The following LRMDA variants were observed in gnomAD, a reference collection of about 807,000 sequenced individuals.
LRMDA encodes leucine rich melanocyte differentiation associated.
In LRMDA, 18 loss-of-function variants were observed where a neutral mutation model predicts 29.8. That is an observed-to-expected ratio of 0.60 (90% CI 0.42 to 0.90). LRMDA has a LOEUF of 0.90. LRMDA is among the 40% of genes least tolerant of loss of function. The pLI, the probability that LRMDA is intolerant of heterozygous loss-of-function variation, is 0.00. For missense variants in LRMDA, 273 were observed against 273.9 expected, an observed-to-expected ratio of 1.00 and a Z score of 0.02; for synonymous variants, 125 against 109.4, an observed-to-expected ratio of 1.14 and a Z score of -0.89.
rs545306084 is a variant in LRMDA at position 75,849,801 on chromosome 10, A to G, written c.132-186207A>G. Among the ~76,000 whole-genome samples the G allele has an allele frequency of 7.2e-4, 109 of 152,316 alleles. 1 individual carries two copies. In the South Asian group the frequency reaches 0.022, roughly 31 times the overall value. ...AGCCCTAAGTAGTTCTGTTGAAAAA[A>G]CCATTTACTGAAGGAAAGCAAGATT... On this transcript the variant is annotated intron_variant, in intron 2 of 6. Coordinates refer to ENST00000611255, the MANE Select transcript of LRMDA (RefSeq NM_001305581.2).
At chr10:76,412,447 G>A (rs1841972369) in intron 6 of LRMDA, among the ~76,000 whole-genome samples, 1 of 152,136 alleles carries the variant, frequency 6.6e-6, no homozygotes, top group South Asian at 2.1e-4. Flanking sequence ...GTGGCTTTTT[G>A]TAGCACATGC....
At chr10:76,305,498 G>C (rs1395069895) in intron 5 of LRMDA, among the ~76,000 whole-genome samples, 5 of 152,208 alleles carry the variant, frequency 3.3e-5, no homozygotes, top group African/African-American at 1.2e-4. Flanking sequence ...CCCACCCAGG[G>C]TAGGTTCATG....
At chr10:75,898,558 AGGTATGGAT>A (rs1845621055) in intron 2 of LRMDA, among the ~76,000 whole-genome samples, 1 of 151,556 alleles carries the variant, frequency 6.6e-6, no homozygotes, top group African/African-American at 2.4e-5. Flanking sequence ...GGGAGAGGAG[AGGTATGGAT>A]GCTCTAGCTT....
At chr10:76,099,853 C>G (rs1284410368) in intron 5 of LRMDA, among the ~76,000 whole-genome samples, 1 of 151,892 alleles carries the variant, frequency 6.6e-6, no homozygotes, top group African/African-American at 2.4e-5. Flanking sequence ...TTTTATTGCC[C>G]AGAATACTGT....
chr10:75,721,025 C>T (rs755434465), intron 2 of LRMDA, among the ~76,000 whole-genome samples: 5 of 152,072 alleles, frequency 3.3e-5, no homozygotes, highest in Non-Finnish European at 7.4e-5. Context: ...CACAGAATGC[C>T]GTGGAAGATA....
At chr10:76,190,899 G>C (rs987714733) in intron 5 of LRMDA, among the ~76,000 whole-genome samples, 1 of 152,154 alleles carries the variant, frequency 6.6e-6, no homozygotes, top group Non-Finnish European at 1.5e-5. Flanking sequence ...CAGCAGACGT[G>C]GTTAATTGGT....
intron 2 of LRMDA, among the ~76,000 whole-genome samples, chr10:75,628,865 A>G (rs1303360506): frequency 6.6e-6 from 1 of 152,232 alleles, no homozygotes; most frequent in East Asian, 1.9e-4. Flanking sequence ...AGGCTGGGGC[A>G]CTTGCCTTTC....
intron 6 of LRMDA, among the ~76,000 whole-genome samples, chr10:76,492,222 G>T (rs1842840433): frequency 6.6e-6 from 1 of 152,006 alleles, no homozygotes; most frequent in Non-Finnish European, 1.5e-5. Context: ...ACTTTGTGAG[G>T]TCATGTTTTC....
chr10:76,436,453 G>T (rs557292156), intron 6 of LRMDA, among the ~76,000 whole-genome samples: 64 of 152,304 alleles, frequency 4.2e-4, no homozygotes, highest in African/African-American at 1.4e-3. Context: ...TGGGCCACCT[G>T]CAGGTCAGGC....
chr10:76,467,470 C>A (rs909362503), intron 6 of LRMDA, among the ~76,000 whole-genome samples: 2 of 152,090 alleles, frequency 1.3e-5, no homozygotes, highest in Non-Finnish European at 2.9e-5. Flanking sequence ...TCTAAATAAT[C>A]CAATTTTACT....
chr10:76,235,039 A>G (rs1852126479), intron 5 of LRMDA, among the ~76,000 whole-genome samples: 1 of 152,192 alleles, frequency 6.6e-6, no homozygotes, highest in African/African-American at 2.4e-5. Flanking sequence ...GGCTTTTGAA[A>G]TGCCTTCCTC....
At chr10:75,580,085 G>A (rs1375018919) in intron 2 of LRMDA, among the ~76,000 whole-genome samples, 1 of 152,168 alleles carries the variant, frequency 6.6e-6, no homozygotes, top group Non-Finnish European at 1.5e-5. Context: ...AATCAGGCAA[G>A]AGAAAGAAAT....
At chr10:75,743,808 C>T (rs746887692) in intron 2 of LRMDA, 7 of 152,184 alleles carry the variant, frequency 4.6e-5, no homozygotes, top group Non-Finnish European at 8.8e-5. Flanking sequence ...TCAAAATGTT[C>T]TTCCTGCCTG....
rs1397955948 is a variant in LRMDA at position 76,499,882 on chromosome 10, T to A, written c.602-57327T>A. On this transcript the variant is annotated intron_variant, in intron 6 of 6. Transcript: ENST00000611255. ...ATATATATTATTTTTATGTTATATA[T>A]TTTTTAGAAATAGGGTCTCACTCTG... Among the ~76,000 whole-genome samples the A allele has an allele frequency of 5.3e-5, 4 of 74,834 alleles. 2 individuals carry two copies. Among genetic ancestry groups the A allele is most frequent in the African/African-American group, 1.3e-4 (4 of 30,784 alleles). The allele number at this position is 74,834 out of a possible 152,430, so 49.1% of individuals were successfully genotyped here.
chr10:76,201,072 TA>T lies in LRMDA; in HGVS notation c.517-123328del, dbSNP rs1851418861. On this transcript the variant is annotated intron_variant, in intron 5 of 6. Coordinates refer to ENST00000611255, the MANE Select transcript of LRMDA (RefSeq NM_001305581.2). ...CCCATATTATTAGTATTATTATTTTTATTTATTTATTTATTTATTTATTTAT... is the reference window on the plus strand; with the variant it reads ...CCCATATTATTAGTATTATTATTTTTTTTATTTATTTATTTATTTATTTAT... Among the ~76,000 whole-genome samples, 6 of 38,918 alleles carry T rather than the reference TA, an allele frequency of 1.5e-4. No individual in the cohort carries two copies. The South Asian group carries it at 5.5e-3, about 36-fold the overall frequency. The allele number at this position is 38,918 out of a possible 152,430, so 25.5% of individuals were successfully genotyped here.
chr10:76,148,068 G>A (rs769245191), intron 5 of LRMDA, among the ~76,000 whole-genome samples: 4 of 152,144 alleles, frequency 2.6e-5, no homozygotes, highest in Admixed American at 1.3e-4. Context: ...AGGAGTACCC[G>A]GCCGTGTGAG....
intron 2 of LRMDA, among the ~76,000 whole-genome samples, chr10:75,810,764 G>A (rs1438106192): frequency 6.6e-6 from 1 of 152,220 alleles, no homozygotes; most frequent in Non-Finnish European, 1.5e-5. Flanking sequence ...CTCTAAGTGA[G>A]GGTAAGGAAA....
chr10:76,184,036 T>A lies in LRMDA; in HGVS notation c.516+125253T>A, dbSNP rs1851100958. 2.0e-5 allele frequency among the ~76,000 whole-genome samples: 3 copies of A among 151,028 alleles called. No individual in the cohort carries two copies. In the South Asian group the frequency reaches 6.3e-4, roughly 32 times the overall value. On this transcript the variant is annotated intron_variant, in intron 5 of 6. Coordinates refer to ENST00000611255, the MANE Select transcript of LRMDA (RefSeq NM_001305581.2). ...CCCACCCGGCCCTACTTTATTTATT[T>A]TTTTTTTTTTTGGAGACGGAGTCTT...
In LRMDA at chr10:76,062,654, CTCTGTG is replaced by C. The variant is rs796785957; in HGVS notation, c.516+3873_516+3878del. Reference sequence around the variant, plus strand: ...CAATGGATGCTTCCAGACTTTATCTCTCTGTGTGTGTGTGTGTGTGTGTGTGTGTGT... The same window carrying C: ...CAATGGATGCTTCCAGACTTTATCTCTGTGTGTGTGTGTGTGTGTGTGTGT... On this transcript the variant is annotated intron_variant, in intron 5 of 6. Coordinates refer to ENST00000611255, the MANE Select transcript of LRMDA (RefSeq NM_001305581.2). 9.7e-3 allele frequency among the ~76,000 whole-genome samples: 1,322 copies of C among 136,416 alleles called. 38 individuals carry two copies. Among genetic ancestry groups the C allele is most frequent in the East Asian group, 0.092 (390 of 4,218 alleles). 89.5% of individuals were successfully genotyped at this position (136,416 alleles called of 152,430 possible).
Sources: allele counts gnomAD v4.1 joint callset (sites outside exome capture counted in the v4.1 genomes callset), GRCh38; gene constraint gnomAD v4.1.1; transcripts MANE v1.5; gene names NCBI Gene and HGNC (gene_info 2026-07-23, HGNC 2026-07-21).